The following ASCC2 variants were observed in gnomAD, a reference collection of about 807,000 sequenced individuals.
The protein encoded by ASCC2 is ASC-1 complex subunit P100.
In ASCC2, 42 loss-of-function variants were observed where a neutral mutation model predicts 93.5. The observed-to-expected ratio is 0.45, with a 90% CI of 0.35 to 0.58. The LOEUF is 0.58. Among genes scored for constraint, ASCC2 ranks in the 20% least tolerant of loss-of-function variants. The pLI is 0.00. For missense variants in ASCC2, 859 were observed against 977.6 expected, an observed-to-expected ratio of 0.88 and a Z score of 1.62; for synonymous variants, 364 against 384.2, an observed-to-expected ratio of 0.95 and a Z score of 0.62.
In ASCC2 at chr22:29,825,776, G is replaced by A; in HGVS notation, c.86C>T (p.Pro29Leu). 1 of 1,604,710 alleles carries A rather than the reference G, an allele frequency of 6.2e-7. No homozygotes were observed. ...GKLRTSPALH[P>L]EQKADRYFVL... ...AAAATACCGGTCTGCCTTCTGCTCGGGGTGCTACGGATCCAAAAACCACGT... is the reference window on the plus strand; with the variant it reads ...AAAATACCGGTCTGCCTTCTGCTCGAGGTGCTACGGATCCAAAAACCACGT... The change falls in exon 3 of 20, where the codon CCC becomes CTC. Residue 29 changes from proline (P) to leucine (L), a missense_variant. Transcript: ENST00000307790. This position sits in a 1 kb window ranked among gnomAD's most constrained non-coding sequence, Gnocchi z 4.9.
At chr22:29,822,699 T>C (rs2061716926) in intron 4 of ASCC2, among the ~76,000 whole-genome samples, 1 of 147,688 alleles carries the variant, frequency 6.8e-6, no homozygotes, top group Non-Finnish European at 1.5e-5. Context: ...CTTTTACAAC[T>C]GGCTGTATTA....
At chr22:29,827,487 A>G (rs1436918190) in intron 2 of ASCC2, 2 of 437,862 alleles carry the variant, frequency 4.6e-6, no homozygotes, top group African/African-American at 4.1e-5. Flanking sequence ...GCGAGTTTCC[A>G]AACTGTAGAG....
chr22:29,818,398 C>A (rs1453865633), intron 5 of ASCC2, among the ~76,000 whole-genome samples: 1 of 82,398 alleles, frequency 1.2e-5, no homozygotes, highest in Non-Finnish European at 2.8e-5. Flanking sequence ...GCATCACTCC[C>A]TGCCTACACA....
intron 7 of ASCC2, among the ~76,000 whole-genome samples, chr22:29,814,331 A>G (rs959172573): frequency 2.6e-5 from 4 of 152,236 alleles, no homozygotes; most frequent in Non-Finnish European, 5.9e-5. Context: ...GGACTCCTCA[A>G]TATAAGTCCA....
At chr22:29,793,082 G>A (rs2057971208) in intron 17 of ASCC2, among the ~76,000 whole-genome samples, 1 of 152,132 alleles carries the variant, frequency 6.6e-6, no homozygotes, top group South Asian at 2.1e-4. Context: ...AGTCCAGGAG[G>A]TCAAGGCTGC....
intron 2 of ASCC2, chr22:29,827,665 T>C (rs746942750): frequency 1.3e-5 from 6 of 464,338 alleles, no homozygotes; most frequent in Admixed American, 2.4e-5. Flanking sequence ...CCGAAATACA[T>C]CTCCTTGGTT....
chr22:29,797,729 G>A (rs913856054), intron 15 of ASCC2, among the ~76,000 whole-genome samples: 4 of 152,068 alleles, frequency 2.6e-5, no homozygotes, highest in Non-Finnish European at 5.9e-5. Flanking sequence ...CTCCCCAAAA[G>A]GCAGACCAAG....
chr22:29,816,596 C>T (rs1226579836), intron 5 of ASCC2: 1 of 152,466 alleles, frequency 6.6e-6, no homozygotes, highest in Non-Finnish European at 1.5e-5. Flanking sequence ...CATACTAATC[C>T]ATCCTACTCC....
intron 15 of ASCC2, among the ~76,000 whole-genome samples, 163 bp from the exon 16 acceptor site, chr22:29,793,839 C>G (rs552186406): frequency 5.3e-5 from 8 of 151,526 alleles, no homozygotes; most frequent in Non-Finnish European, 1.2e-4. Context: ...GTGGGACTGT[C>G]ACTGCTGCTG....
chr22:29,791,401 T>G (rs1282941940), intron 18 of ASCC2, among the ~76,000 whole-genome samples: 4 of 151,438 alleles, frequency 2.6e-5, no homozygotes, highest in Non-Finnish European at 4.4e-5. Context: ...AGAAGAAGGC[T>G]GGGTGTGGTG....
intron 15 of ASCC2, 148 bp from the exon 16 acceptor site, chr22:29,793,824 G>A (rs900013350): frequency 1.3e-5 from 10 of 772,320 alleles, no homozygotes; most frequent in Non-Finnish European, 1.9e-5. Context: ...TGAGGGCGTG[G>A]GAGGGTGGGA....
chr22:29,790,721 G>A (rs2057622468), intron 18 of ASCC2, among the ~76,000 whole-genome samples, 173 bp from the exon 19 acceptor site: 1 of 152,210 alleles, frequency 6.6e-6, no homozygotes, highest in Non-Finnish European at 1.5e-5. Flanking sequence ...GTGGTCTGAG[G>A]TTTCCATTAG....
In ASCC2 at chr22:29,793,757, A is replaced by G; in HGVS notation, c.1689-81T>C. ...AGGGTACGGAGGGTCCAGAGACCAC[A>G]GGCTTAACTGCTCCAGCCCTCAGAC... On this transcript the variant is annotated intron_variant, in intron 15 of 19. Coordinates refer to ENST00000307790, the MANE Select transcript of ASCC2 (RefSeq NM_032204.5). 5.4e-6 allele frequency: 7 copies of G among 1,297,398 alleles called. No homozygotes were observed. The South Asian group carries it at 7.8e-5, about 15-fold the overall frequency. The allele number at this position is 1,297,398 out of a possible 1,614,324, so 80.4% of individuals were successfully genotyped here.
chr22:29,791,670 G>A (rs1254826871), intron 18 of ASCC2, among the ~76,000 whole-genome samples: 7 of 152,058 alleles, frequency 4.6e-5, no homozygotes. Context: ...GACGAGAGTG[G>A]GACGCCATCT....
chr22:29,824,483 G>A (rs1351935105), intron 4 of ASCC2, among the ~76,000 whole-genome samples: 1 of 151,942 alleles, frequency 6.6e-6, no homozygotes, highest in East Asian at 1.9e-4. Context: ...AGGCATGATG[G>A]TGCATGCCTG....
intron 5 of ASCC2, among the ~76,000 whole-genome samples, chr22:29,820,909 TACAC>T (rs1358799188): frequency 1.2e-4 from 5 of 42,268 alleles, no homozygotes; most frequent in African/African-American, 3.2e-4. Context: ...TCCATCTCAA[TACAC>T]AAAAAAAAAA....
intron 4 of ASCC2, among the ~76,000 whole-genome samples, chr22:29,822,709 ATCATG>A (rs1345310304): frequency 8.7e-6 from 1 of 114,540 alleles, no homozygotes; most frequent in South Asian, 2.7e-4. Flanking sequence ...TGGCTGTATT[ATCATG>A]TCTTTTTTTT....
At chr22:29,806,386 A>T in intron 11 of ASCC2, 96 bp from the exon 12 acceptor site, 2 of 1,569,890 alleles carry the variant, frequency 1.3e-6, no homozygotes, top group Non-Finnish European at 1.8e-6. Context: ...GCCCGACCTT[A>T]TTAGAGCTGT....
At chr22:29,813,623 C>G in intron 7 of ASCC2, 81 bp from the exon 8 acceptor site, 1 of 934,596 alleles carries the variant, frequency 1.1e-6, no homozygotes, top group Non-Finnish European at 1.7e-6. Context: ...AACATTAAAA[C>G]AGTCAGGGTC....
Sources: allele counts gnomAD v4.1 joint callset (sites outside exome capture counted in the v4.1 genomes callset), GRCh38; gene constraint gnomAD v4.1.1; non-coding constraint Gnocchi (gnomAD v3.1); transcripts MANE v1.5; gene names NCBI Gene and HGNC (gene_info 2026-07-23, HGNC 2026-07-21).